TBC1D1: variants seen among roughly 807,000 people sequenced by gnomAD.
The protein encoded by TBC1D1 is TBC1 domain family member 1, also known as TBC1 (tre-2/USP6, BUB2, cdc16) domain family, member 1.
Under a neutral mutation model 125.6 loss-of-function variants are expected in TBC1D1, and 89 were observed. The ratio of observed to expected loss-of-function variants is 0.71; its 90% CI spans 0.60 to 0.85. The LOEUF is 0.85. Ranked by LOEUF, TBC1D1 falls within the 40% of genes least tolerant of loss-of-function variation. The pLI, the probability that TBC1D1 is intolerant of heterozygous loss-of-function variation, is 0.00. For missense variants in TBC1D1, 1,377 were observed against 1,469.2 expected, an observed-to-expected ratio of 0.94 and a Z score of 1.03; for synonymous variants, 565 against 564.1, an observed-to-expected ratio of 1.00 and a Z score of -0.02.
intron 1 of TBC1D1, among the ~76,000 whole-genome samples, chr4:37,892,266 AT>A (rs1560440412): frequency 6.6e-6 from 1 of 152,138 alleles, no homozygotes; most frequent in Admixed American, 6.6e-5. Context: ...AACTTTTTCA[AT>A]GAGCTAGGGG....
At chr4:38,003,295 C>G (rs929791597) in intron 2 of TBC1D1, among the ~76,000 whole-genome samples, 1 of 152,112 alleles carries the variant, frequency 6.6e-6, no homozygotes, top group Non-Finnish European at 1.5e-5. Context: ...TTTATGATGT[C>G]TAGGGCTGGC....
In TBC1D1 at chr4:38,113,354, T is replaced by G. The variant is rs933580904; in HGVS notation, c.2558-2356T>G. ...ACTCCCCACCCTGCTAGGCCCACCC[T>G]CTTAGGAATGTTGTGAGGCTTAAAT... On this transcript the variant is annotated intron_variant, in intron 15 of 19. Transcript: ENST00000261439. Among the ~76,000 whole-genome samples, 81 of 151,994 alleles carry G rather than the reference T, an allele frequency of 5.3e-4. 1 individual carries two copies. The highest frequency in any genetic ancestry group is 5.3e-3 in the Admixed American group (81 of 15,274).
chr4:38,034,609 G>A (rs1156505679), intron 7 of TBC1D1, among the ~76,000 whole-genome samples: 1 of 152,204 alleles, frequency 6.6e-6, no homozygotes, highest in Non-Finnish European at 1.5e-5. Context: ...ACCAAGAGTG[G>A]TGTTGACCCA....
At chr4:38,034,172 A>G (rs923043902) in intron 7 of TBC1D1, among the ~76,000 whole-genome samples, 4 of 152,250 alleles carry the variant, frequency 2.6e-5, no homozygotes, top group Non-Finnish European at 4.4e-5. Flanking sequence ...CAGTGTACCC[A>G]TAACCCTTTG....
At chr4:38,010,851 C>T (rs770853082) in intron 2 of TBC1D1, among the ~76,000 whole-genome samples, 4 of 152,206 alleles carry the variant, frequency 2.6e-5, no homozygotes, top group Non-Finnish European at 4.4e-5. Flanking sequence ...AAACCTCCTC[C>T]TCCGGGCAGG....
chr4:37,906,159 C>CA (rs1717277909), intron 2 of TBC1D1, among the ~76,000 whole-genome samples: 1 of 152,158 alleles, frequency 6.6e-6, no homozygotes, highest in African/African-American at 2.4e-5. Flanking sequence ...TCTTTTCCCC[C>CA]CCGCTTGAGA....
chr4:38,069,429 G>A (rs1295721270), intron 12 of TBC1D1, among the ~76,000 whole-genome samples: 1 of 152,130 alleles, frequency 6.6e-6, no homozygotes, highest in Non-Finnish European at 1.5e-5. Context: ...TTGCTTAGTT[G>A]CAAGAAACAA....
chr4:38,115,635 C>A, intron 15 of TBC1D1, 75 bp from the exon 18 acceptor site: 1 of 1,495,748 alleles, frequency 6.7e-7, no homozygotes, highest in South Asian at 1.3e-5. Flanking sequence ...TAATCTGAAG[C>A]ACATTGGATT....
chr4:38,045,554 A>G (rs1374366638), intron 9 of TBC1D1, among the ~76,000 whole-genome samples: 2 of 152,114 alleles, frequency 1.3e-5, no homozygotes, highest in African/African-American at 4.8e-5. Context: ...TTCCTTATAG[A>G]CGAATTGTCT....
intron 14 of TBC1D1, among the ~76,000 whole-genome samples, chr4:38,102,139 T>C (rs1222431186): frequency 1.3e-5 from 2 of 151,202 alleles, no homozygotes; most frequent in Non-Finnish European, 3.0e-5. Flanking sequence ...ATATACCTAA[T>C]GTTAAATGAC....
intron 10 of TBC1D1, among the ~76,000 whole-genome samples, 175 bp from the exon 11 acceptor site, chr4:38,049,443 G>A (rs761339202): frequency 2.6e-5 from 4 of 152,148 alleles, no homozygotes; most frequent in Non-Finnish European, 4.4e-5. Context: ...CTTGAGGAGC[G>A]GGCATTTATT....
At chr4:38,111,470 TAA>T (rs1015586020) in intron 15 of TBC1D1, among the ~76,000 whole-genome samples, 7 of 152,270 alleles carry the variant, frequency 4.6e-5, no homozygotes, top group African/African-American at 2.4e-5. Context: ...ATAGCTATAA[TAA>T]ACTCATACAT....
At chr4:38,124,870 C>G in intron 17 of TBC1D1, 92 bp from the exon 20 acceptor site, 1 of 1,120,550 alleles carries the variant, frequency 8.9e-7, no homozygotes, top group Non-Finnish European at 1.3e-6. Context: ...GTCTCCCACA[C>G]TCCTGCTCTG....
In TBC1D1 at chr4:37,961,192, T is replaced by A; in HGVS notation, c.418-53317T>A. 5 of 835,966 alleles carry A rather than the reference T, an allele frequency of 6.0e-6. No homozygotes were observed. The South Asian group carries it at 8.7e-5, about 15-fold the overall frequency. The allele number at this position is 835,966 out of a possible 1,614,324, so 51.8% of individuals were successfully genotyped here. ...GTCCCTTGTTTCTATATTTCTTCCA[T>A]ACTACAGCCCGTACTCTTTGGGGAT... On this transcript the variant is annotated intron_variant, in intron 2 of 19. Coordinates refer to ENST00000261439, the MANE Select transcript of TBC1D1 (RefSeq NM_015173.4).
chr4:38,006,928 G>A, intron 2 of TBC1D1: 1 of 446,144 alleles, frequency 2.2e-6, no homozygotes, highest in South Asian at 1.8e-5. Flanking sequence ...CCATGAGTGT[G>A]GAGTAAGTGT....
At chr4:38,102,918 G>A (rs1560794193) in intron 14 of TBC1D1, 81 bp from the exon 17 acceptor site, 2 of 1,406,972 alleles carry the variant, frequency 1.4e-6, no homozygotes, top group Non-Finnish European at 1.9e-6. Flanking sequence ...TGGATAAATG[G>A]AACATGAAAC....
chr4:38,049,376 C>T (rs1207858125), intron 10 of TBC1D1, among the ~76,000 whole-genome samples: 2 of 152,158 alleles, frequency 1.3e-5, no homozygotes, highest in African/African-American at 4.8e-5. Flanking sequence ...TGGCTTATGT[C>T]CTTCACTCCT....
intron 17 of TBC1D1, among the ~76,000 whole-genome samples, chr4:38,121,850 A>G (rs551933264): frequency 6.6e-6 from 1 of 152,290 alleles, no homozygotes; most frequent in African/African-American, 2.4e-5. Context: ...ATGTGATTTA[A>G]AAAAATTTCC....
chr4:38,136,027 A>G (rs1350878253), intron 19 of TBC1D1, among the ~76,000 whole-genome samples: 2 of 152,002 alleles, frequency 1.3e-5, no homozygotes, highest in Non-Finnish European at 2.9e-5. Context: ...TTAGTGAGAT[A>G]GACCAAGTCA....
Sources: gnomAD v4.1 joint callset for allele counts (sites outside exome capture counted in the v4.1 genomes callset) on GRCh38, gnomAD v4.1.1 for gene constraint, MANE v1.5 for transcripts, NCBI Gene and HGNC (gene_info 2026-07-23, HGNC 2026-07-21) for gene names.